The following NAV1 variants were observed in gnomAD, a reference collection of about 807,000 sequenced individuals.
The protein encoded by NAV1 is neuron navigator 1, also known as pore membrane and/or filament interacting like protein 3.
In NAV1, 18 loss-of-function variants were observed where a neutral mutation model predicts 175.2. That is an observed-to-expected ratio of 0.10 (90% CI 0.07 to 0.15). The LOEUF (loss-of-function observed/expected upper bound fraction) is 0.15. Ranked by LOEUF, NAV1 falls within the 10% of genes least tolerant of loss-of-function variation. The probability of loss-of-function intolerance (pLI) is 1.00; values close to 1 mark genes in which losing one functional copy is unlikely to be tolerated. For synonymous variants in NAV1, 897 were observed against 978.7 expected, an observed-to-expected ratio of 0.92 and a Z score of 1.56; for missense variants, 1,731 against 2,436.6, an observed-to-expected ratio of 0.71 and a Z score of 6.10.
At chr1:201,756,809 C>CTTTCTTTCTTTCT (rs1491290809) in intron 3 of NAV1, among the ~76,000 whole-genome samples, 2 of 26,940 alleles carry the variant, frequency 7.4e-5, no homozygotes, top group African/African-American at 1.7e-4. Flanking sequence ...TCTTTCTTTC[C>CTTTCTTTCTTTCT]TTCTTTCTTT....
intron 2 of NAV1, among the ~76,000 whole-genome samples, 164 bp downstream of exon 2, chr1:201,588,813 TA>T (rs1340618005): frequency 6.6e-6 from 1 of 152,192 alleles, no homozygotes; most frequent in Non-Finnish European, 1.5e-5. Context: ...GTGAGTATAC[TA>T]AAAACAAATC....
chr1:201,616,739 G>A (rs1051226273), intron 2 of NAV1, among the ~76,000 whole-genome samples: 2 of 152,086 alleles, frequency 1.3e-5, no homozygotes, highest in Non-Finnish European at 2.9e-5. Flanking sequence ...CACCTGCCTC[G>A]GCCTCCCAAA....
intron 1 of NAV1, among the ~76,000 whole-genome samples, chr1:201,628,341 C>CA (rs1157250462): frequency 1.3e-5 from 2 of 152,078 alleles, no homozygotes; most frequent in Non-Finnish European, 2.9e-5. Flanking sequence ...GCAGAAGCAG[C>CA]AAACACCTCA....
At position 201,582,499 on chromosome 1, in the gene NAV1, C is replaced by A. The variant is rs676533; in HGVS notation, c.-143-6040C>A. Among the ~76,000 whole-genome samples, 391 of 152,326 alleles carry A rather than the reference C, an allele frequency of 2.6e-3. 2 individuals are homozygous for A. The highest frequency in any genetic ancestry group is 8.8e-3 in the African/African-American group (368 of 41,584). On this transcript the variant is annotated intron_variant, in intron 1 of 33. Transcript: ENST00000685211. ...TGGCTTCTCCTTTCCTCCAGTGCCT[C>A]CTGTGGGCAGAAGCCAGCCAGAAAC...
intron 1 of NAV1, among the ~76,000 whole-genome samples, chr1:201,674,892 T>G (rs1041887431): frequency 1.3e-5 from 2 of 151,856 alleles, no homozygotes; most frequent in Non-Finnish European, 2.9e-5. Flanking sequence ...CACACACACA[T>G]AGCTGGGTGT....
chr1:201,733,933 G>A (rs542766033), intron 3 of NAV1, among the ~76,000 whole-genome samples: 140 of 152,252 alleles, frequency 9.2e-4, no homozygotes, highest in African/African-American at 3.3e-3. Context: ...GGAGAGGGAC[G>A]ATGTGATCCA....
At chr1:201,780,225 A>G (rs1041321736) in intron 3 of NAV1, among the ~76,000 whole-genome samples, 196 bp from the exon 8 acceptor site, 17 of 152,298 alleles carry the variant, frequency 1.1e-4, no homozygotes, top group African/African-American at 3.6e-4. Flanking sequence ...TTCCTTTTGT[A>G]AAAGAACATC....
At chr1:201,575,623 A>G (rs921599973) in intron 1 of NAV1, among the ~76,000 whole-genome samples, 1 of 152,232 alleles carries the variant, frequency 6.6e-6, no homozygotes, top group African/African-American at 2.4e-5. Context: ...AATTGGAAGG[A>G]AAATCCAAAT....
At chr1:201,607,839 G>T (rs558072698) in intron 2 of NAV1, among the ~76,000 whole-genome samples, 5 of 149,602 alleles carry the variant, frequency 3.3e-5, no homozygotes, top group African/African-American at 4.9e-5. Flanking sequence ...ATAGTGAAAA[G>T]ATATAAATAT....
intron 16 of NAV1, 143 bp from the exon 21 acceptor site, chr1:201,804,346 C>A: frequency 1.3e-6 from 1 of 786,462 alleles, no homozygotes; most frequent in South Asian, 1.9e-5. Flanking sequence ...ACGTCCTGCT[C>A]CTCTGTCCCC....
chr1:201,708,490 G>C (rs1281771229), intron 1 of NAV1, among the ~76,000 whole-genome samples: 1 of 151,696 alleles, frequency 6.6e-6, no homozygotes, highest in Non-Finnish European at 1.5e-5. Context: ...CTTGCAGCTG[G>C]ACCCTGTTCT....
Position 201,718,894 on chromosome 1 carries a change from T to A in NAV1, c.1226+139T>A. On this transcript the variant is annotated intron_variant, in intron 3 of 29. Coordinates refer to ENST00000367296, the Ensembl canonical transcript of NAV1. The surrounding 1 kb of genome is among the most constrained non-coding windows in gnomAD (Gnocchi z 4.8). Reference sequence around the variant, plus strand: ...TGAAAGTACACAAAAGTGTGCTGTGTACACTTTGTGATTGCCTCTGAAATT... The same window carrying A: ...TGAAAGTACACAAAAGTGTGCTGTGAACACTTTGTGATTGCCTCTGAAATT... 8.9e-7 allele frequency: 1 copy of A among 1,124,816 alleles called. No individual in the cohort carries two copies. Among genetic ancestry groups the A allele is most frequent in the Non-Finnish European group, 1.3e-6 (1 of 787,722 alleles). The allele number at this position is 1,124,816 out of a possible 1,614,324, so 69.7% of individuals were successfully genotyped here. A position where few individuals can be genotyped will look rare whatever the true frequency, so the allele number is the denominator to read the frequency against.
rs1423071612 is a variant in NAV1 at position 201,813,897 on chromosome 1, A to C, written c.5340+639A>C. On this transcript the variant is annotated intron_variant, in intron 28 of 29. Coordinates refer to ENST00000367296, the Ensembl canonical transcript of NAV1. This position sits in a 1 kb window ranked among gnomAD's most constrained non-coding sequence, Gnocchi z 4.2. ...ATGGTGAAATCCCCTTTCTACTAAA[A>C]ATACAAAAAATTAGCCAGACGTGGT... 6.6e-6 allele frequency among the ~76,000 whole-genome samples: 1 copy of C among 152,106 alleles called. No homozygotes were observed. Among genetic ancestry groups the C allele is most frequent in the Non-Finnish European group, 1.5e-5 (1 of 68,028 alleles).
chr1:201,564,365 A>C lies in NAV1; in HGVS notation c.-143-24174A>C, dbSNP rs530744082. Among the ~76,000 whole-genome samples the C allele has an allele frequency of 1.2e-3, 189 of 152,294 alleles. 1 individual carries two copies. Among genetic ancestry groups the C allele is most frequent in the African/African-American group, 4.2e-3 (174 of 41,564 alleles). On this transcript the variant is annotated intron_variant, in intron 1 of 33. Coordinates refer to the NAV1 transcript ENST00000685211. ...CACGGTAGCTCACGCCTGTAATCCC[A>C]GCACTTTGGGAGGCCGAGGCGGGCA...
chr1:201,823,439 T>C (rs1009693532), exon 30 of NAV1: 3 of 152,626 alleles, frequency 2.0e-5, no homozygotes, highest in African/African-American at 7.2e-5. Flanking sequence ...TGCTGTTTCC[T>C]ACCTTCTGAG....
Position 201,748,873 on chromosome 1 carries a change from C to T in NAV1, c.1226+30118C>T, listed in dbSNP as rs115906460. ...TGAACTAAGACTCTCTCTGGCCCAG[C>T]GTGGTGGTTCACACCTGTAATCCTA... On this transcript the variant is annotated intron_variant, in intron 3 of 29. Transcript: ENST00000367296. Among the ~76,000 whole-genome samples the T allele has an allele frequency of 6.3e-3, 960 of 152,274 alleles. 10 individuals are homozygous for T. The highest frequency in any genetic ancestry group is 0.021 in the African/African-American group (870 of 41,560).
At chr1:201,772,264 G>A (rs1360204378) in intron 3 of NAV1, among the ~76,000 whole-genome samples, 2 of 152,214 alleles carry the variant, frequency 1.3e-5, no homozygotes, top group Non-Finnish European at 2.9e-5. Context: ...CTTGGCATTT[G>A]ATCTGGAAAT....
rs1674061769 is a variant in NAV1, at chr1:201,750,893, A to G, written c.1227-29528A>G. On this transcript the variant is annotated intron_variant, in intron 3 of 29. Transcript: ENST00000367296. The surrounding 1 kb of genome is among the most constrained non-coding windows in gnomAD (Gnocchi z 4.1). ...ATCAGAACAGGATGGAAGAAAGAGC[A>G]GGATGTTTTTATTTCTGTCTATTGC... Among the ~76,000 whole-genome samples the G allele has an allele frequency of 6.6e-6, 1 of 152,182 alleles. No individual in the cohort carries two copies. Among genetic ancestry groups the G allele is most frequent in the Non-Finnish European group, 1.5e-5 (1 of 68,036 alleles).
chr1:201,548,003 A>G (rs1665718286), intron 1 of NAV1, among the ~76,000 whole-genome samples: 1 of 152,096 alleles, frequency 6.6e-6, no homozygotes, highest in African/African-American at 2.4e-5. Flanking sequence ...CATCTTGGCC[A>G]GGCTGGTCTG....
Sources: allele counts gnomAD v4.1 joint callset (sites outside exome capture counted in the v4.1 genomes callset), GRCh38; gene constraint gnomAD v4.1.1; non-coding constraint Gnocchi (gnomAD v3.1); transcripts MANE v1.5; gene names NCBI Gene and HGNC (gene_info 2026-07-23, HGNC 2026-07-21).